DOCK7: variants seen among roughly 807,000 people sequenced by gnomAD.
DOCK7 encodes dedicator of cytokinesis protein 7.
In DOCK7, 138 loss-of-function variants were observed where a neutral mutation model predicts 271.0. That is an observed-to-expected ratio of 0.51 (90% confidence interval 0.44 to 0.59). DOCK7 has a LOEUF of 0.59. DOCK7 is among the 20% of genes least tolerant of loss of function. The probability of loss-of-function intolerance (pLI) is 0.00; values close to 1 mark genes in which losing one functional copy is unlikely to be tolerated. For synonymous variants in DOCK7, 823 were observed against 876.1 expected (o/e 0.94, Z 1.07); for missense variants, 2,066 against 2,592.4 (o/e 0.80, Z 4.41).
At chr1:62,465,490 A>T (rs1645650384) in intron 48 of DOCK7, among the ~76,000 whole-genome samples, 1 of 152,158 alleles carries the variant, frequency 6.6e-6, no homozygotes. Context: ...GTAAAAAAAA[A>T]AAAAATTTGT....
At chr1:62,652,542 T>A (rs984450684) in intron 4 of DOCK7, among the ~76,000 whole-genome samples, 2 of 152,058 alleles carry the variant, frequency 1.3e-5, no homozygotes, top group Non-Finnish European at 2.9e-5. Flanking sequence ...ATGAGATGAG[T>A]GCAAAGTGCC....
chr1:62,598,750 G>A (rs750973811), intron 14 of DOCK7: 2 of 1,611,518 alleles, frequency 1.2e-6, no homozygotes, highest in East Asian at 4.5e-5. Context: ...GACCGTGGAA[G>A]ACCAATATAA....
intron 48 of DOCK7, among the ~76,000 whole-genome samples, chr1:62,460,515 A>G (rs1645488773): frequency 6.6e-6 from 1 of 152,200 alleles, no homozygotes; most frequent in South Asian, 2.1e-4. Flanking sequence ...ACCATTTTAT[A>G]TAACATATTA....
intron 29 of DOCK7, among the ~76,000 whole-genome samples, chr1:62,533,351 G>A (rs1043842827): frequency 2.0e-4 from 30 of 152,036 alleles, no homozygotes; most frequent in African/African-American, 7.0e-4. Context: ...TCAAATGAGT[G>A]AGCTATACCA....
chr1:62,570,102 A>G (rs1646721355), intron 18 of DOCK7, among the ~76,000 whole-genome samples: 1 of 152,210 alleles, frequency 6.6e-6, no homozygotes, highest in African/African-American at 2.4e-5. Flanking sequence ...GGATGAGAAG[A>G]AGTCAAATTG....
intron 14 of DOCK7, among the ~76,000 whole-genome samples, chr1:62,587,232 C>T (rs1261963324): frequency 7.8e-6 from 1 of 128,488 alleles, no homozygotes; most frequent in African/African-American, 2.9e-5. Flanking sequence ...CTATCATAGA[C>T]AAACTTTAAT....
chr1:62,570,264 A>G (rs773965939), intron 18 of DOCK7, among the ~76,000 whole-genome samples: 9 of 152,212 alleles, frequency 5.9e-5, no homozygotes, highest in Non-Finnish European at 1.3e-4. Flanking sequence ...AACAACAGAC[A>G]AGAAAAGAGT....
intron 1 of DOCK7, among the ~76,000 whole-genome samples, chr1:62,673,655 T>C (rs1186913619): frequency 2.6e-5 from 4 of 152,190 alleles, no homozygotes; most frequent in Non-Finnish European, 4.4e-5. Context: ...CAGAGCTGCC[T>C]TACCCATAAA....
intron 2 of DOCK7, among the ~76,000 whole-genome samples, chr1:62,658,918 A>G (rs530315412): frequency 1.5e-4 from 23 of 150,726 alleles, no homozygotes; most frequent in South Asian, 8.4e-4. Flanking sequence ...GCACCACTAC[A>G]CTCCACCCTG....
At chr1:62,590,988 T>A (rs1648355405) in intron 14 of DOCK7, among the ~76,000 whole-genome samples, 1 of 152,110 alleles carries the variant, frequency 6.6e-6, no homozygotes, top group Non-Finnish European at 1.5e-5. Context: ...CCCATTACTG[T>A]GTATATACCC....
chr1:62,480,855 A>G (rs1646100827), intron 43 of DOCK7, among the ~76,000 whole-genome samples: 1 of 152,082 alleles, frequency 6.6e-6, no homozygotes, highest in Admixed American at 6.5e-5. Context: ...TAAAAATACA[A>G]AACATAAGCC....
At chr1:62,493,003 G>A (rs964921088) in intron 40 of DOCK7, among the ~76,000 whole-genome samples, 156 bp from the exon 41 acceptor site, 1 of 152,084 alleles carries the variant, frequency 6.6e-6, no homozygotes, top group African/African-American at 2.4e-5. Flanking sequence ...AAAACTTTCT[G>A]TATTTTGAAG....
chr1:62,600,876 T>C (rs1650012839), intron 14 of DOCK7, among the ~76,000 whole-genome samples: 1 of 151,804 alleles, frequency 6.6e-6, no homozygotes, highest in Non-Finnish European at 1.5e-5. Flanking sequence ...GCTTTATTTT[T>C]TTATCTTATT....
At chr1:62,554,471 C>CAA (rs61023149) in intron 21 of DOCK7, among the ~76,000 whole-genome samples, 3 of 63,902 alleles carry the variant, frequency 4.7e-5, no homozygotes, top group African/African-American at 1.9e-4. Context: ...GACTCCATCT[C>CAA]AAAAAAAAAA....
At chr1:62,562,499 GC>G (rs946840855) in intron 18 of DOCK7, among the ~76,000 whole-genome samples, 6 of 152,050 alleles carry the variant, frequency 3.9e-5, no homozygotes, top group Middle Eastern at 3.2e-3. Context: ...ACAAGCGTAA[GC>G]CACCATGCCA....
intron 14 of DOCK7, among the ~76,000 whole-genome samples, chr1:62,589,068 T>C (rs577115537): frequency 6.6e-6 from 1 of 152,286 alleles, no homozygotes; most frequent in Non-Finnish European, 1.5e-5. Context: ...TTAATTAAGG[T>C]TGCCAAACGG....
rs1372983297 is a variant in DOCK7 at position 62,496,456 on chromosome 1, G to A, written c.4806C>T (p.Ser1602=). Residue 1602 remains serine (S), a synonymous_variant, in exon 38 of 50, where the codon TCC becomes TCT. Coordinates refer to ENST00000635253, the MANE Select transcript of DOCK7 (RefSeq NM_001367561.1). ...RVKMQVTMSL[S]SLVGTSQNFN... ...AATTCTGAGATGTGCCCACCAAGGA[G>A]GATAGTGACATTGTTACCTGCATTT... 6.2e-7 allele frequency: 1 copy of A among 1,613,376 alleles called. No individual in the cohort carries two copies. The highest frequency in any genetic ancestry group is 8.5e-7 in the Non-Finnish European group (1 of 1,179,702).
chr1:62,457,797 G>T, intron 48 of DOCK7, 92 bp from the exon 49 acceptor site: 4 of 1,223,932 alleles, frequency 3.3e-6, no homozygotes, highest in East Asian at 4.7e-5. Context: ...ACATATATAT[G>T]TGGGCTTAAT....
chr1:62,575,595 T>C (rs1646920775), intron 18 of DOCK7, among the ~76,000 whole-genome samples: 1 of 152,218 alleles, frequency 6.6e-6, no homozygotes, highest in Admixed American at 6.5e-5. Flanking sequence ...GTTAAGTTTT[T>C]AGGGAGTCAA....
Sources: gnomAD v4.1 joint callset for allele counts (sites outside exome capture counted in the v4.1 genomes callset) on GRCh38, gnomAD v4.1.1 for gene constraint, MANE v1.5 for transcripts, NCBI Gene and HGNC (gene_info 2026-07-23, HGNC 2026-07-21) for gene names.